EI24: variants seen among roughly 807,000 people sequenced by gnomAD.
The protein encoded by EI24 is etoposide-induced protein 2.4 homolog.
A neutral mutation model predicts 48.6 loss-of-function variants in EI24; 21 were observed. That is an observed-to-expected ratio of 0.43 (90% CI 0.31 to 0.62). The LOEUF (loss-of-function observed/expected upper bound fraction) is 0.62. EI24 is among the 20% of genes least tolerant of loss of function. The pLI is 0.10. For synonymous variants in EI24, 114 were observed against 145.5 expected, an observed-to-expected ratio of 0.78 and a Z score of 1.56; for missense variants, 280 against 410.5, an observed-to-expected ratio of 0.68 and a Z score of 2.75.
intron 4 of EI24, among the ~76,000 whole-genome samples, chr11:125,577,089 T>A (rs989993792): frequency 1.3e-5 from 2 of 152,096 alleles, no homozygotes; most frequent in African/African-American, 4.8e-5. Context: ...TTATTTTATT[T>A]ATTTATTTAT....
intron 5 of EI24, 104 bp downstream of exon 5, chr11:125,577,674 T>C: frequency 2.1e-6 from 2 of 969,482 alleles, no homozygotes; most frequent in Non-Finnish European, 3.1e-6. Context: ...GAGCTTTCAC[T>C]GTTTATTTTC....
intron 7 of EI24, 26 bp from the exon 8 acceptor site, chr11:125,580,067 T>A: frequency 6.4e-7 from 1 of 1,570,286 alleles, no homozygotes; most frequent in Non-Finnish European, 8.8e-7. Flanking sequence ...GCTTTGGGAT[T>A]AAGATTTTCC....
chr11:125,577,647 C>A, intron 5 of EI24, 77 bp downstream of exon 5: 2 of 1,231,616 alleles, frequency 1.6e-6, no homozygotes, highest in South Asian at 1.3e-5. Flanking sequence ...GTTTACTGAA[C>A]ATTTCCTGTG....
intron 1 of EI24, 189 bp downstream of exon 1, chr11:125,569,762 C>T: frequency 3.3e-6 from 1 of 301,916 alleles, no homozygotes; most frequent in Non-Finnish European, 6.1e-6. Context: ...GCCCCAGGTG[C>T]GGCGCAGCTA....
intron 1 of EI24, 127 bp downstream of exon 1, chr11:125,569,700 G>C (rs1345226669): frequency 3.1e-6 from 1 of 317,768 alleles, no homozygotes; most frequent in African/African-American, 2.2e-5. Flanking sequence ...ACCCCTTATG[G>C]GAAGGGGCCG....
intron 1 of EI24, 34 bp downstream of exon 1, chr11:125,569,607 GC>G: frequency 2.8e-6 from 1 of 359,436 alleles, no homozygotes. Context: ...AGGCCTCGGG[GC>G]CGCCGCGCCG....
At chr11:125,581,701 C>T (rs1939007861) in intron 9 of EI24, among the ~76,000 whole-genome samples, 1 of 151,494 alleles carries the variant, frequency 6.6e-6, no homozygotes, top group Non-Finnish European at 1.5e-5. Flanking sequence ...CGCCCACCAT[C>T]ACGCCTAGCT....
chr11:125,583,260 C>A (rs1046245824), intron 10 of EI24, among the ~76,000 whole-genome samples: 7 of 152,054 alleles, frequency 4.6e-5, no homozygotes, highest in Non-Finnish European at 8.8e-5. Context: ...GCTACCATGC[C>A]CTGCTAATTT....
chr11:125,578,143 A>T lies in EI24; in HGVS notation c.327A>T (p.Ser109=), dbSNP rs374580824. 4.2e-5 allele frequency: 67 copies of T among 1,613,148 alleles called. No individual in the cohort carries two copies. Among genetic ancestry groups the T allele is most frequent in the African/African-American group, 5.3e-5 (4 of 74,888 alleles). The change falls in exon 6 of 11, where the codon TCA becomes TCT. Residue 109 remains serine (S), a synonymous_variant. Transcript: ENST00000278903. ...SVTARIIGDP[S]LHGDVWSWLE... ...TTTCCTCTTTCTTAGGTGACCCATCACTACATGGAGATGTTTGGTCGTGGC... is the reference window on the plus strand; with the variant it reads ...TTTCCTCTTTCTTAGGTGACCCATCTCTACATGGAGATGTTTGGTCGTGGC...
intron 6 of EI24, 111 bp downstream of exon 6, chr11:125,578,368 T>A: frequency 7.0e-7 from 1 of 1,424,168 alleles, no homozygotes. Context: ...TTTTCAGCCT[T>A]AATGTTTCTT....
chr11:125,579,632 A>G (rs1451530504), intron 7 of EI24, among the ~76,000 whole-genome samples: 1 of 152,042 alleles, frequency 6.6e-6, no homozygotes, highest in Non-Finnish European at 1.5e-5. Context: ...GCGCCATTGC[A>G]CTCCAGCCTG....
At position 125,575,410 on chromosome 11, in the gene EI24, T is replaced by C; in HGVS notation, c.188+2T>C. Reference sequence around the variant, plus strand: ...GAGTATAGAGCGGAAGCAAGAGAGGTAAGGAGTGCATGCCTGATATCAAAA... The same window carrying C: ...GAGTATAGAGCGGAAGCAAGAGAGGCAAGGAGTGCATGCCTGATATCAAAA... On this transcript the variant is annotated splice_donor_variant, in intron 3 of 10. Transcript: ENST00000278903. LOFTEE classifies it high-confidence loss of function. 6.3e-7 allele frequency: 1 copy of C among 1,585,220 alleles called. No homozygotes were observed. The highest frequency in any genetic ancestry group is 8.6e-7 in the Non-Finnish European group (1 of 1,163,950).
chr11:125,581,350 G>T, intron 9 of EI24, 28 bp downstream of exon 9: 1 of 1,470,092 alleles, frequency 6.8e-7, no homozygotes, highest in South Asian at 1.2e-5. Context: ...ATTTGAAGGA[G>T]ACTAGTAAAA....
intron 10 of EI24, among the ~76,000 whole-genome samples, chr11:125,583,100 A>G (rs1335856610): frequency 1.3e-5 from 2 of 152,038 alleles, no homozygotes; most frequent in South Asian, 2.1e-4. Flanking sequence ...GCAGGGCCCA[A>G]TGCATTCTTT....
chr11:125,569,825 C>CCG (rs2135842181), intron 1 of EI24: 1 of 245,972 alleles, frequency 4.1e-6, no homozygotes, highest in Non-Finnish European at 7.7e-6. Context: ...CTCGCGTGAT[C>CCG]CGTACCTCGT....
At chr11:125,572,827 CTTT>C (rs35464386) in intron 2 of EI24, among the ~76,000 whole-genome samples, 4 of 105,426 alleles carry the variant, frequency 3.8e-5, no homozygotes, top group Admixed American at 1.9e-4. Flanking sequence ...GGCTTCAGAG[CTTT>C]TTTTTTTTTT....
At chr11:125,582,893 T>TAAA (rs1275626696) in intron 10 of EI24, among the ~76,000 whole-genome samples, 1 of 152,230 alleles carries the variant, frequency 6.6e-6, no homozygotes, top group Non-Finnish European at 1.5e-5. Flanking sequence ...TTAAGAGGAA[T>TAAA]ATTTGACTTT....
At chr11:125,580,062 G>A in intron 7 of EI24, 31 bp from the exon 8 acceptor site, 1 of 1,543,850 alleles carries the variant, frequency 6.5e-7, no homozygotes, top group South Asian at 1.1e-5. Context: ...CCGAGGCTTT[G>A]GGATTAAGAT....
At chr11:125,572,660 A>G in intron 2 of EI24, 91 bp downstream of exon 2, 1 of 1,227,024 alleles carries the variant, frequency 8.1e-7, no homozygotes, top group Non-Finnish European at 1.2e-6. Flanking sequence ...GGTTTTTGGA[A>G]CTTTTATCAT....
Sources: gnomAD v4.1 joint callset for allele counts (sites outside exome capture counted in the v4.1 genomes callset) on GRCh38, gnomAD v4.1.1 for gene constraint, MANE v1.5 for transcripts, NCBI Gene and HGNC (gene_info 2026-07-23, HGNC 2026-07-21) for gene names.